MICOS10: variants seen among roughly 807,000 people sequenced by gnomAD.
The protein encoded by MICOS10 is MICOS complex subunit MIC10.
Under a neutral mutation model 13.4 loss-of-function variants are expected in MICOS10, and 5 were observed. The observed-to-expected ratio is 0.37, with a 90% confidence interval of 0.20 to 0.78. The LOEUF (loss-of-function observed/expected upper bound fraction) is 0.78. MICOS10 is among the 30% of genes least tolerant of loss of function. The pLI, the probability that MICOS10 is intolerant of heterozygous loss-of-function variation, is 0.47. For synonymous variants in MICOS10, 35 were observed against 33.6 expected, an observed-to-expected ratio of 1.04 and a Z score of -0.15; for missense variants, 101 against 94.6, an observed-to-expected ratio of 1.07 and a Z score of -0.28.
chr1:19,613,842 C>T (rs555002943), intron 1 of MICOS10, among the ~76,000 whole-genome samples: 1 of 152,172 alleles, frequency 6.6e-6, no homozygotes, highest in African/African-American at 2.4e-5. Context: ...AGCACCACGC[C>T]TCTGGAGTCA....
At chr1:19,603,968 G>A (rs2094825640) in intron 1 of MICOS10, among the ~76,000 whole-genome samples, 3 of 152,124 alleles carry the variant, frequency 2.0e-5, no homozygotes, top group Non-Finnish European at 4.4e-5. Flanking sequence ...AAAAAGGCAA[G>A]CCATGGACAT....
chr1:19,608,993 G>GTTT (rs2094847236), intron 1 of MICOS10, among the ~76,000 whole-genome samples: 1 of 94,570 alleles, frequency 1.1e-5, no homozygotes, highest in African/African-American at 4.7e-5. Flanking sequence ...ACTTTTCCCA[G>GTTT]CTTTTTTTTT....
intron 3 of MICOS10, chr1:19,625,586 G>C: frequency 7.8e-7 from 1 of 1,289,474 alleles, no homozygotes; most frequent in Non-Finnish European, 1.0e-6. Flanking sequence ...CCTGGCATCA[G>C]AGCTGATTGT....
intron 1 of MICOS10, among the ~76,000 whole-genome samples, chr1:19,607,240 T>C (rs1215397631): frequency 1.3e-5 from 2 of 152,278 alleles, no homozygotes; most frequent in Non-Finnish European, 2.9e-5. Flanking sequence ...GCAATGTGAA[T>C]AATGGAACAT....
chr1:19,611,753 C>G (rs1466553704), intron 1 of MICOS10, among the ~76,000 whole-genome samples: 1 of 151,824 alleles, frequency 6.6e-6, no homozygotes, highest in Non-Finnish European at 1.5e-5. Context: ...AGGCGGATCA[C>G]TTGAGGTCAG....
chr1:19,608,357 G>A (rs1267230430), intron 1 of MICOS10: 1 of 1,275,848 alleles, frequency 7.8e-7, no homozygotes, highest in Admixed American at 1.7e-5. Context: ...CCAGGATGTG[G>A]CCCAGAGGTG....
intron 1 of MICOS10, among the ~76,000 whole-genome samples, chr1:19,606,265 G>C (rs947691226): frequency 1.3e-5 from 2 of 152,130 alleles, no homozygotes; most frequent in South Asian, 2.1e-4. Context: ...AAATGAGCAT[G>C]GTGTTGCTTT....
intron 1 of MICOS10, chr1:19,600,887 C>G (rs542339594): frequency 1.6e-6 from 2 of 1,289,382 alleles, no homozygotes; most frequent in African/African-American, 3.0e-5. Context: ...AGGCATGAGC[C>G]ACCACACCTG....
intron 1 of MICOS10, among the ~76,000 whole-genome samples, chr1:19,618,283 TTTATTA>T (rs142653409): frequency 2.7e-5 from 4 of 150,566 alleles, no homozygotes; most frequent in Non-Finnish European, 2.9e-5. Context: ...TTTTTATTTA[TTTATTA>T]TTATTATTAT....
In MICOS10 at chr1:19,629,495, T is replaced by C. The variant is rs530573575; in HGVS notation, c.*3094T>C. On this transcript the variant is annotated 3_prime_UTR_variant, in exon 4 of 4. Coordinates refer to ENST00000322753, the MANE Select transcript of MICOS10 (RefSeq NM_001032363.4). ...CTAGGGGAAGCTTTATCAGGCTGCATTTGCCTTATGCAGAAGTATGCCTTT... is the reference window on the plus strand; with the variant it reads ...CTAGGGGAAGCTTTATCAGGCTGCACTTGCCTTATGCAGAAGTATGCCTTT... 19 of 152,350 alleles carry C rather than the reference T, an allele frequency of 1.2e-4. No individual in the cohort carries two copies. Among genetic ancestry groups the C allele is most frequent in the African/African-American group, 4.1e-4 (17 of 41,588 alleles). 9.4% of individuals were successfully genotyped at this position (152,350 alleles called of 1,614,324 possible).
chr1:19,602,449 T>A (rs1366195951), intron 1 of MICOS10, among the ~76,000 whole-genome samples: 1 of 152,188 alleles, frequency 6.6e-6, no homozygotes, highest in East Asian at 1.9e-4. Flanking sequence ...TAAAGTAGTA[T>A]TAAAAATGTT....
rs2094923380 is a variant in MICOS10, at chr1:19,626,734, A to G, written c.*333A>G. On this transcript the variant is annotated 3_prime_UTR_variant, in exon 4 of 4. Coordinates refer to ENST00000322753, the MANE Select transcript of MICOS10 (RefSeq NM_001032363.4). ...GCCACCTGCTCACAGCCTCTCTGAG[A>G]ACCCCCTGAAACCAGTTGTTGGGTA... 7.4e-6 allele frequency: 2 copies of G among 271,264 alleles called. No individual in the cohort carries two copies. Among genetic ancestry groups the G allele is most frequent in the Admixed American group, 4.4e-5 (1 of 22,640 alleles). 16.8% of individuals were successfully genotyped at this position (271,264 alleles called of 1,614,324 possible).
intron 1 of MICOS10, chr1:19,608,292 T>G (rs1278665143): frequency 7.5e-7 from 1 of 1,338,212 alleles, no homozygotes; most frequent in South Asian, 1.2e-5. Flanking sequence ...ACTGGTGGGA[T>G]GAAGGTGAAG....
At chr1:19,606,247 G>A (rs1409074219) in intron 1 of MICOS10, among the ~76,000 whole-genome samples, 2 of 152,160 alleles carry the variant, frequency 1.3e-5, no homozygotes, top group African/African-American at 4.8e-5. Flanking sequence ...GTGGTGCCAA[G>A]CCTACATAAA....
chr1:19,621,411 A>G (rs866660211), intron 1 of MICOS10, among the ~76,000 whole-genome samples: 21 of 152,178 alleles, frequency 1.4e-4, no homozygotes, highest in African/African-American at 2.4e-4. Flanking sequence ...TGACATTCCA[A>G]TTTCCCTTGA....
chr1:19,627,690 T>C lies in MICOS10; in HGVS notation c.*1289T>C, dbSNP rs1305115089. The C allele has an allele frequency of 6.6e-6, 1 of 152,158 alleles. No homozygotes were observed. The highest frequency in any genetic ancestry group is 1.5e-5 in the Non-Finnish European group (1 of 68,058). 9.4% of individuals were successfully genotyped at this position (152,158 alleles called of 1,614,324 possible). A position where few individuals can be genotyped will look rare whatever the true frequency, so the allele number is the denominator to read the frequency against. On this transcript the variant is annotated 3_prime_UTR_variant, in exon 4 of 4. Transcript: ENST00000322753. ...AGGATCATGTAATGCATATTATAGCTGGGAAATCGCAAGTAGTTCAGCATA... is the reference window on the plus strand; with the variant it reads ...AGGATCATGTAATGCATATTATAGCCGGGAAATCGCAAGTAGTTCAGCATA...
intron 1 of MICOS10, among the ~76,000 whole-genome samples, chr1:19,606,444 T>G (rs2100261070): frequency 6.6e-6 from 1 of 152,298 alleles, no homozygotes; most frequent in East Asian, 1.9e-4. Context: ...GCTTCTTCCT[T>G]GTTACGAAAG....
At chr1:19,597,301 C>T (rs2094795792) in intron 1 of MICOS10, among the ~76,000 whole-genome samples, 192 bp downstream of exon 1, 1 of 152,180 alleles carries the variant, frequency 6.6e-6, no homozygotes, top group Admixed American at 6.5e-5. Context: ...ACCCGAGGAG[C>T]CGGAGCAGCA....
chr1:19,600,012 A>G (rs2094807801), intron 1 of MICOS10, among the ~76,000 whole-genome samples: 1 of 152,162 alleles, frequency 6.6e-6, no homozygotes, highest in Non-Finnish European at 1.5e-5. Flanking sequence ...TCAGCGGGCA[A>G]ATAGAGAAGC....
Sources: gnomAD v4.1 joint callset for allele counts (sites outside exome capture counted in the v4.1 genomes callset) on GRCh38, gnomAD v4.1.1 for gene constraint, MANE v1.5 for transcripts, NCBI Gene and HGNC (gene_info 2026-07-23, HGNC 2026-07-21) for gene names.